ZNF638: variants seen among roughly 807,000 people sequenced by gnomAD.
The protein encoded by ZNF638 is zinc finger protein 638.
ZNF638 carries 46 observed loss-of-function variants against 195.6 expected under a neutral mutation model. That is an observed-to-expected ratio of 0.24 (90% CI 0.19 to 0.30). ZNF638 has a LOEUF of 0.30. Ranked by LOEUF, ZNF638 falls within the 10% of genes least tolerant of loss-of-function variation. The pLI is 1.00. For missense variants in ZNF638, 2,440 were observed against 2,325.3 expected, an observed-to-expected ratio of 1.05 and a Z score of -1.01; for synonymous variants, 845 against 772.0, an observed-to-expected ratio of 1.09 and a Z score of -1.57.
intron 3 of ZNF638, among the ~76,000 whole-genome samples, chr2:71,358,874 A>G (rs1488860982): frequency 6.6e-6 from 1 of 152,188 alleles, no homozygotes; most frequent in East Asian, 1.9e-4. Flanking sequence ...CATTATTACT[A>G]TACCTGTTAA....
intron 10 of ZNF638, among the ~76,000 whole-genome samples, chr2:71,385,432 A>C (rs1318636203): frequency 6.6e-6 from 1 of 152,226 alleles, no homozygotes; most frequent in East Asian, 1.9e-4. Flanking sequence ...TTTATATTAT[A>C]AAATTTCATG....
At chr2:71,398,299 A>G (rs909717615) in intron 11 of ZNF638, among the ~76,000 whole-genome samples, 1 of 152,168 alleles carries the variant, frequency 6.6e-6, no homozygotes, top group Non-Finnish European at 1.5e-5. Flanking sequence ...CACCTTATAT[A>G]CATAGCCTGA....
intron 3 of ZNF638, among the ~76,000 whole-genome samples, chr2:71,358,399 C>G (rs776048098): frequency 6.6e-6 from 1 of 152,174 alleles, no homozygotes; most frequent in African/African-American, 2.4e-5. Flanking sequence ...AAATCGCTCT[C>G]TCGTCTGGGC....
In ZNF638 at chr2:71,427,419, A is replaced by T. The variant is rs369721796; in HGVS notation, c.5545+5A>T. On this transcript the variant is annotated splice_donor_5th_base_variant and intron_variant, in intron 24 of 27. Transcript: ENST00000264447. ...TGATTGAAAGACACTTAACAGGTAG[A>T]TACTTGGAAGGGGTAGTCTTTCTGT... The T allele has an allele frequency of 7.2e-6, 11 of 1,534,856 alleles. No homozygotes were observed. Among genetic ancestry groups the T allele is most frequent in the Non-Finnish European group, 9.6e-6 (11 of 1,149,348 alleles).
At position 71,419,967 on chromosome 2, in the gene ZNF638, C is replaced by CA. The variant is rs1344970997; in HGVS notation, c.3299+1328_3299+1329insA. Reference sequence around the variant, plus strand: ...CCAAAAACTTCTTAATTCCCACCCCCCCCCGCCTTTTTTTTTTTTTTTTTT... The same window carrying CA: ...CCAAAAACTTCTTAATTCCCACCCCCACCCCGCCTTTTTTTTTTTTTTTTTT... On this transcript the variant is annotated intron_variant, in intron 21 of 27. Transcript: ENST00000264447. Among the ~76,000 whole-genome samples, 10 of 94,974 alleles carry CA rather than the reference C, an allele frequency of 1.1e-4. 2 individuals are homozygous for CA. Among genetic ancestry groups the CA allele is most frequent in the African/African-American group, 3.0e-4 (8 of 26,994 alleles). 62.3% of individuals were successfully genotyped at this position (94,974 alleles called of 152,430 possible).
chr2:71,365,691 T>C lies in ZNF638; in HGVS notation c.1980T>C (p.Val660=). The C allele has an allele frequency of 6.2e-7, 1 of 1,610,136 alleles. No individual in the cohort carries two copies. Residue 660 remains valine, a synonymous_variant, in exon 6 of 28, where the codon GTT becomes GTC. Coordinates refer to ENST00000264447, the MANE Select transcript of ZNF638 (RefSeq NM_014497.5). ...SECKQVSDKA[V]SLQRKLRKEQ... is the part of the protein sequence containing the mutation. Reference sequence around the variant, plus strand: ...GTAAACAGGTGTCTGATAAAGCTGTTTCTCTCCAGCGAAAGGTAATTCTTT... The same window carrying C: ...GTAAACAGGTGTCTGATAAAGCTGTCTCTCTCCAGCGAAAGGTAATTCTTT...
chr2:71,424,146 C>G, intron 22 of ZNF638, 108 bp downstream of exon 22: 2 of 1,408,108 alleles, frequency 1.4e-6, no homozygotes, highest in East Asian at 2.5e-5. Flanking sequence ...CATCTCCTCA[C>G]TCTACCCCGG....
rs138978466 is a variant in ZNF638, at chr2:71,402,824, G to A, written c.2829+737G>A. 1.7e-3 allele frequency among the ~76,000 whole-genome samples: 261 copies of A among 152,188 alleles called. 2 individuals are homozygous for A. The highest frequency in any genetic ancestry group is 6.0e-3 in the African/African-American group (251 of 41,524). On this transcript the variant is annotated intron_variant, in intron 16 of 27. Transcript: ENST00000264447. ...GAATAGTGGGAAGAAGTGTTCTTAC[G>A]TTAGAGAGGAGTTGGTAGTCACTAG... is the stretch of plus-strand genomic sequence containing the variant.
At chr2:71,410,917 T>C (rs1190272577) in intron 20 of ZNF638, among the ~76,000 whole-genome samples, 2 of 151,272 alleles carry the variant, frequency 1.3e-5, no homozygotes, top group Non-Finnish European at 2.9e-5. Flanking sequence ...AGGTTTTTTC[T>C]TGGTTTGGGA....
intron 6 of ZNF638, among the ~76,000 whole-genome samples, chr2:71,367,808 CG>C (rs916145964): frequency 4.6e-5 from 7 of 150,868 alleles, no homozygotes; most frequent in African/African-American, 1.7e-4. Flanking sequence ...TGGCCTCAAG[CG>C]ATCTTTCTGC....
chr2:71,433,923 G>T (rs567963343), intron 27 of ZNF638, among the ~76,000 whole-genome samples: 1 of 152,288 alleles, frequency 6.6e-6, no homozygotes, highest in East Asian at 1.9e-4. Flanking sequence ...ACTTAAGGAG[G>T]TTACGTATCT....
intron 1 of ZNF638, among the ~76,000 whole-genome samples, chr2:71,345,830 T>C (rs1219482696): frequency 6.6e-6 from 1 of 152,198 alleles, no homozygotes; most frequent in Non-Finnish European, 1.5e-5. Context: ...TTTAATATGC[T>C]AATAGACATT....
At chr2:71,364,622 A>G (rs1169589353) in intron 5 of ZNF638, among the ~76,000 whole-genome samples, 1 of 152,198 alleles carries the variant, frequency 6.6e-6, no homozygotes, top group Non-Finnish European at 1.5e-5. Flanking sequence ...CACATACACA[A>G]ACACACACCT....
At chr2:71,366,848 G>A (rs971749057) in intron 6 of ZNF638, among the ~76,000 whole-genome samples, 10 of 151,956 alleles carry the variant, frequency 6.6e-5, no homozygotes, top group African/African-American at 2.2e-4. Context: ...CGATACTAAG[G>A]TATTGTTTTA....
In ZNF638 at chr2:71,414,127, A is replaced by G. The variant is rs374031283; in HGVS notation, c.3262-4475A>G. On this transcript the variant is annotated intron_variant, in intron 20 of 27. Coordinates refer to ENST00000264447, the MANE Select transcript of ZNF638 (RefSeq NM_014497.5). The stretch of plus-strand genomic sequence containing the variant: ...TGGTCCTGGACTCTTTGTTTGGTAA[A>G]CTATTGATTATTGCCACAATTTCAG... Among the ~76,000 whole-genome samples the G allele has an allele frequency of 0.024, 3,393 of 139,722 alleles. 103 individuals are homozygous for G. The East Asian group carries it at 0.31, about 13-fold the overall frequency. The allele number at this position is 139,722 out of a possible 152,430, so 91.7% of individuals were successfully genotyped here. A position where few individuals can be genotyped will look rare whatever the true frequency, so the allele number is the denominator to read the frequency against.
At chr2:71,364,378 C>T in intron 5 of ZNF638, 126 bp downstream of exon 5, 1 of 997,480 alleles carries the variant, frequency 1.0e-6, no homozygotes, top group Non-Finnish European at 1.4e-6. Context: ...AAATCTGACC[C>T]ACATGCCACA....
intron 27 of ZNF638, chr2:71,433,614 T>C (rs2080710230): frequency 1.1e-5 from 2 of 180,218 alleles, no homozygotes; most frequent in African/African-American, 4.7e-5. Context: ...CTAGCCAGAA[T>C]GAATCCTGGT....
At chr2:71,359,031 A>G (rs2079067082) in intron 3 of ZNF638, among the ~76,000 whole-genome samples, 1 of 152,218 alleles carries the variant, frequency 6.6e-6, no homozygotes, top group Admixed American at 6.5e-5. Context: ...TAGTCTAAAC[A>G]TAACTTTTAT....
intron 10 of ZNF638, among the ~76,000 whole-genome samples, chr2:71,394,765 C>G (rs543126034): frequency 3.3e-5 from 5 of 152,288 alleles, no homozygotes; most frequent in African/African-American, 7.2e-5. Flanking sequence ...GCTGTAGCAT[C>G]TATTACTGAA....
Sources: allele counts gnomAD v4.1 joint callset (sites outside exome capture counted in the v4.1 genomes callset), GRCh38; gene constraint gnomAD v4.1.1; transcripts MANE v1.5; gene names NCBI Gene and HGNC (gene_info 2026-07-23, HGNC 2026-07-21).